HELLS: variants seen among roughly 807,000 people sequenced by gnomAD.
HELLS encodes the protein helicase, lymphoid specific, also known as lymphoid-specific helicase.
HELLS carries 32 observed loss-of-function variants against 120.0 expected under a neutral mutation model. The observed-to-expected ratio is 0.27, with a 90% CI of 0.20 to 0.36. The LOEUF (loss-of-function observed/expected upper bound fraction) is 0.36. HELLS is among the 10% of genes least tolerant of loss of function. The pLI, the probability that HELLS is intolerant of heterozygous loss-of-function variation, is 1.00. For missense variants in HELLS, 650 were observed against 993.4 expected (o/e 0.65, Z 4.65); for synonymous variants, 341 against 323.4 (o/e 1.05, Z -0.58).
At chr10:94,595,716 C>T (rs554677058) in intron 19 of HELLS, among the ~76,000 whole-genome samples, 1 of 152,246 alleles carries the variant, frequency 6.6e-6, no homozygotes, top group South Asian at 2.1e-4. Context: ...TACTTCTATC[C>T]ATTCACCATA....
intron 2 of HELLS, among the ~76,000 whole-genome samples, chr10:94,546,857 C>A (rs759699575): frequency 1.3e-5 from 2 of 152,104 alleles, no homozygotes; most frequent in Non-Finnish European, 2.9e-5. Context: ...TCATGGCAAA[C>A]AGGAATCGCT....
chr10:94,553,625 C>T (rs1288424191), intron 2 of HELLS, among the ~76,000 whole-genome samples: 2 of 145,068 alleles, frequency 1.4e-5, no homozygotes, highest in African/African-American at 2.6e-5. Flanking sequence ...CGGCTCACTG[C>T]AGCCTCTGCC....
At position 94,563,811 on chromosome 10, in the gene HELLS, T is replaced by TTC. The variant is rs1487993032; in HGVS notation, c.435+936_435+937insCT. Among the ~76,000 whole-genome samples, 25 of 149,394 alleles carry TTC rather than the reference T, an allele frequency of 1.7e-4. No individual in the cohort carries two copies. In the East Asian group the frequency reaches 2.9e-3, roughly 17 times the overall value. On this transcript the variant is annotated intron_variant, in intron 6 of 21. Coordinates refer to ENST00000348459, the MANE Select transcript of HELLS (RefSeq NM_018063.5). ...AGCTTTTTGTTGGTTTTCTTTTCTTTTTTTTTTTTTTTTGATGAGACGGAG... is the reference window on the plus strand; with the variant it reads ...AGCTTTTTGTTGGTTTTCTTTTCTTTTCTTTTTTTTTTTTTGATGAGACGGAG...
At chr10:94,551,109 T>A (rs1283695412) in intron 2 of HELLS, 1 of 152,228 alleles carries the variant, frequency 6.6e-6, no homozygotes, top group Non-Finnish European at 1.5e-5. Flanking sequence ...AGAAATTCTG[T>A]CCTAAAAGAA....
intron 2 of HELLS, 71 bp from the exon 3 acceptor site, chr10:94,554,055 A>T: frequency 7.2e-7 from 1 of 1,395,936 alleles, no homozygotes; most frequent in Non-Finnish European, 9.6e-7. Flanking sequence ...CATTTTTATT[A>T]AACTTTATGC....
chr10:94,575,768 TGTTTGTGTG>T (rs1844430477), intron 9 of HELLS, among the ~76,000 whole-genome samples: 3 of 65,214 alleles, frequency 4.6e-5, no homozygotes, highest in East Asian at 1.1e-3. Flanking sequence ...GGGGGGGTTG[TGTTTGTGTG>T]TGTGTGTGTG....
chr10:94,597,960 C>T (rs564964234), intron 21 of HELLS, among the ~76,000 whole-genome samples: 4 of 150,902 alleles, frequency 2.7e-5, no homozygotes. Context: ...AGAACTTTCC[C>T]TTACAGTTTC....
intron 21 of HELLS, among the ~76,000 whole-genome samples, chr10:94,600,240 G>A (rs1202046184): frequency 6.6e-6 from 1 of 151,336 alleles, no homozygotes; most frequent in Admixed American, 6.6e-5. Flanking sequence ...GCAGTGAATG[G>A]AGATTGTGCC....
rs1843233915 is a variant in HELLS at position 94,555,837 on chromosome 10, G to A, written c.276+1589G>A. Among the ~76,000 whole-genome samples the A allele has an allele frequency of 2.0e-5, 3 of 152,094 alleles. No individual in the cohort carries two copies. The South Asian group carries it at 6.2e-4, about 32-fold the overall frequency. On this transcript the variant is annotated intron_variant, in intron 3 of 21. Coordinates refer to ENST00000348459, the MANE Select transcript of HELLS (RefSeq NM_018063.5). ...AGAGACAGTTTTGCCATGTTGCCGA[G>A]GCTTGTCTGGAACTCCTGGGCTCAA... is the stretch of plus-strand genomic sequence containing the variant.
chr10:94,564,265 T>C (rs530223863), intron 6 of HELLS, among the ~76,000 whole-genome samples: 23 of 152,100 alleles, frequency 1.5e-4, no homozygotes, highest in Non-Finnish European at 2.5e-4. Flanking sequence ...AAATTACATA[T>C]ATGTTGCGGA....
downstream of HELLS, among the ~76,000 whole-genome samples, chr10:94,606,382 G>T (rs1158540691): frequency 1.3e-5 from 2 of 151,682 alleles, no homozygotes; most frequent in Non-Finnish European, 2.9e-5. Flanking sequence ...TCTTGCTGTT[G>T]TCCAGGTTGG....
chr10:94,575,362 G>C (rs929744373), intron 9 of HELLS, among the ~76,000 whole-genome samples: 30 of 151,742 alleles, frequency 2.0e-4, no homozygotes, highest in Non-Finnish European at 1.2e-4. Flanking sequence ...GCCTCTCAAA[G>C]TACTGGGATT....
At chr10:94,549,911 G>A (rs1031612999) in intron 2 of HELLS, among the ~76,000 whole-genome samples, 2 of 151,904 alleles carry the variant, frequency 1.3e-5, no homozygotes, top group African/African-American at 4.8e-5. Flanking sequence ...AAGCTTTAGT[G>A]ATTTTTATTT....
intron 3 of HELLS, 45 bp from the exon 4 acceptor site, chr10:94,558,091 TAAA>T: frequency 6.5e-7 from 1 of 1,540,268 alleles, no homozygotes; most frequent in Non-Finnish European, 8.7e-7. Flanking sequence ...GTTTTTTTTT[TAAA>T]TGTTGCACTT....
At chr10:94,610,652 G>C (rs1012363478) in exon 10 of HELLS, 6 of 151,844 alleles carry the variant, frequency 4.0e-5, no homozygotes, top group African/African-American at 1.5e-4. Context: ...GCAATGGCAC[G>C]ATGTTGGCTC....
At chr10:94,556,610 G>A (rs370451884) in intron 3 of HELLS, among the ~76,000 whole-genome samples, 1 of 151,980 alleles carries the variant, frequency 6.6e-6, no homozygotes, top group Non-Finnish European at 1.5e-5. Flanking sequence ...CTTCTCGCCC[G>A]TCCCTACCCC....
rs1038738125 is a variant in HELLS, at chr10:94,601,950, G to A, written c.*328G>A. 1.2e-5 allele frequency: 2 copies of A among 168,654 alleles called. No homozygotes were observed. The highest frequency in any genetic ancestry group is 4.8e-5 in the African/African-American group (2 of 41,676). The allele number at this position is 168,654 out of a possible 1,614,324, so 10.4% of individuals were successfully genotyped here. A position where few individuals can be genotyped will look rare whatever the true frequency, so the allele number is the denominator to read the frequency against. ...TTTTTCCCTCCTTTCTTCTAGTAAT[G>A]CAGTTCATGGGCTTTAGGTACTTCA... On this transcript the variant is annotated 3_prime_UTR_variant, in exon 22 of 22. Coordinates refer to ENST00000348459, the MANE Select transcript of HELLS (RefSeq NM_018063.5).
At chr10:94,580,162 TACACACACAC>T (rs34963898) in intron 10 of HELLS, among the ~76,000 whole-genome samples, 2 of 47,600 alleles carry the variant, frequency 4.2e-5, no homozygotes, top group African/African-American at 1.7e-4. Context: ...TATATATATA[TACACACACAC>T]ACACACACAC....
At chr10:94,578,865 C>G (rs542526426) in intron 10 of HELLS, among the ~76,000 whole-genome samples, 1 of 152,264 alleles carries the variant, frequency 6.6e-6, no homozygotes, top group African/African-American at 2.4e-5. Flanking sequence ...CAATAGTGTT[C>G]ATGCTCCTAT....
Sources: allele counts gnomAD v4.1 joint callset (sites outside exome capture counted in the v4.1 genomes callset), GRCh38; gene constraint gnomAD v4.1.1; transcripts MANE v1.5; gene names NCBI Gene and HGNC (gene_info 2026-07-23, HGNC 2026-07-21).